SP3: variants seen among roughly 807,000 people sequenced by gnomAD.
The protein encoded by SP3 is transcription factor Sp3.
A neutral mutation model predicts 70.3 loss-of-function variants in SP3; 10 were observed. The ratio of observed to expected loss-of-function variants is 0.14; its 90% CI spans 0.09 to 0.24. The LOEUF (loss-of-function observed/expected upper bound fraction) is 0.24. Among genes scored for constraint, SP3 ranks in the 10% least tolerant of loss-of-function variants. SP3 has a pLI of 1.00. For missense variants in SP3, 825 were observed against 914.6 expected, an observed-to-expected ratio of 0.90 and a Z score of 1.26; for synonymous variants, 402 against 333.5, an observed-to-expected ratio of 1.21 and a Z score of -2.24.
chr2:173,930,652 G>A (rs912954014), intron 4 of SP3, among the ~76,000 whole-genome samples: 2 of 152,150 alleles, frequency 1.3e-5, no homozygotes, highest in Admixed American at 1.3e-4. Flanking sequence ...GTTACTGCAC[G>A]TTAAGTTTTA....
At chr2:173,920,729 T>A (rs941081214) in intron 4 of SP3, among the ~76,000 whole-genome samples, 1 of 152,088 alleles carries the variant, frequency 6.6e-6, no homozygotes, top group Non-Finnish European at 1.5e-5. Context: ...TAGCTGGGAT[T>A]ACAGGTGCCC....
intron 4 of SP3, among the ~76,000 whole-genome samples, chr2:173,952,270 ATTC>A (rs1690732011): frequency 6.6e-6 from 1 of 152,194 alleles, no homozygotes; most frequent in Admixed American, 6.5e-5. Flanking sequence ...TTTAAAGACA[ATTC>A]TTATTTTGAT....
chr2:173,945,553 G>A (rs1360010448), intron 4 of SP3, among the ~76,000 whole-genome samples: 1 of 152,058 alleles, frequency 6.6e-6, no homozygotes, highest in Non-Finnish European at 1.5e-5. Context: ...TGCTATACTA[G>A]TGGGGGAAAA....
intron 4 of SP3, among the ~76,000 whole-genome samples, chr2:173,943,017 G>C (rs1690420541): frequency 6.6e-6 from 1 of 152,120 alleles, no homozygotes; most frequent in Admixed American, 6.6e-5. Context: ...CAAGAGACTA[G>C]AGCATCTGGG....
At chr2:173,914,032 A>G (rs191383595) in intron 5 of SP3, 2 of 152,336 alleles carry the variant, frequency 1.3e-5, no homozygotes, top group East Asian at 3.9e-4. Flanking sequence ...TACCAAGAGC[A>G]GGGTTTAGAA....
Position 173,956,258 on chromosome 2 carries a change from T to C in SP3, c.280-26A>G, listed in dbSNP as rs368614170. ...CTGGATGAAGAAAACAAAAAGGTGA[T>C]ATATTTGTGGTATATTTAAATCAAC... On this transcript the variant is annotated intron_variant, in intron 3 of 6. Transcript: ENST00000310015. 3.9e-6 allele frequency: 6 copies of C among 1,544,928 alleles called. No individual in the cohort carries two copies. In the African/African-American group the frequency reaches 5.5e-5, roughly 14 times the overall value.
At chr2:173,930,889 T>TA (rs796436712) in intron 4 of SP3, among the ~76,000 whole-genome samples, 17 of 152,308 alleles carry the variant, frequency 1.1e-4, no homozygotes, top group African/African-American at 4.1e-4. Flanking sequence ...ACAGCCACAT[T>TA]AAAAAAGTAA....
intron 4 of SP3, among the ~76,000 whole-genome samples, chr2:173,941,621 A>C (rs1393545493): frequency 6.6e-6 from 1 of 152,118 alleles, no homozygotes; most frequent in Non-Finnish European, 1.5e-5. Context: ...AGAAAGGGAT[A>C]AGCATTCCCT....
chr2:173,914,639 G>GAATA, intron 5 of SP3: 1 of 152,248 alleles, frequency 6.6e-6, no homozygotes, highest in South Asian at 2.1e-4. Context: ...CCAGGCAGAG[G>GAATA]AATAGCATAA....
chr2:173,930,826 GCTGT>G (rs1211971934), intron 4 of SP3, among the ~76,000 whole-genome samples: 5 of 152,232 alleles, frequency 3.3e-5, no homozygotes, highest in East Asian at 1.9e-4. Flanking sequence ...TAATATAGGT[GCTGT>G]CTAATAGAAA....
At chr2:173,927,122 C>T (rs908762630) in intron 4 of SP3, among the ~76,000 whole-genome samples, 3 of 152,008 alleles carry the variant, frequency 2.0e-5, no homozygotes, top group Non-Finnish European at 4.4e-5. Flanking sequence ...CAAGAACTCA[C>T]TATCACCAAG....
intron 4 of SP3, among the ~76,000 whole-genome samples, chr2:173,937,900 G>C (rs1005160274): frequency 6.6e-6 from 1 of 151,962 alleles, no homozygotes; most frequent in South Asian, 2.1e-4. Flanking sequence ...CAAAGATAAA[G>C]AACTTACAAA....
chr2:173,921,796 T>C lies in SP3; in HGVS notation c.1640-3011A>G, dbSNP rs150443021. 1.4e-4 allele frequency among the ~76,000 whole-genome samples: 22 copies of C among 152,252 alleles called. No individual in the cohort carries two copies. In the East Asian group the frequency reaches 3.5e-3, roughly 24 times the overall value. ...GGAGGTGGAGCCTGGTAGGAGGTGA[T>C]TGGATCATGGGGGCGGATTTCTCAT... On this transcript the variant is annotated intron_variant, in intron 4 of 6. Transcript: ENST00000310015.
In SP3 at chr2:173,903,248, T is replaced by C. The variant is rs1485419956; in HGVS notation, c.*6693A>G. On this transcript the variant is annotated 3_prime_UTR_variant, in exon 7 of 7. Coordinates refer to ENST00000310015, the MANE Select transcript of SP3 (RefSeq NM_003111.5). ...CAGGCATTATGGAAAGTGGTTTACA[T>C]GCATTAACTTATTTATCTCCATAAT... Among the ~76,000 whole-genome samples the C allele has an allele frequency of 6.6e-6, 1 of 152,182 alleles. No individual in the cohort carries two copies. The highest frequency in any genetic ancestry group is 6.5e-5 in the Admixed American group (1 of 15,286).
chr2:173,917,000 CT>C (rs1170221909), intron 5 of SP3, among the ~76,000 whole-genome samples: 2 of 152,016 alleles, frequency 1.3e-5, no homozygotes, highest in Admixed American at 1.3e-4. Flanking sequence ...GATGATTCTA[CT>C]TTAAAATACA....
intron 4 of SP3, among the ~76,000 whole-genome samples, chr2:173,934,840 C>A (rs1040744899): frequency 4.6e-5 from 7 of 152,154 alleles, no homozygotes; most frequent in African/African-American, 1.4e-4. Flanking sequence ...TAAATACATT[C>A]TATTCCATCT....
chr2:173,922,843 T>C (rs958784697), intron 4 of SP3, among the ~76,000 whole-genome samples: 4 of 152,152 alleles, frequency 2.6e-5, no homozygotes, highest in South Asian at 2.1e-4. Context: ...AGGAGATGAA[T>C]TGTAAACAAG....
chr2:173,944,662 G>GTTA (rs1361018477), intron 4 of SP3, among the ~76,000 whole-genome samples: 2 of 152,326 alleles, frequency 1.3e-5, no homozygotes, highest in Admixed American at 1.3e-4. Flanking sequence ...ACACTCTAAT[G>GTTA]AAGAGCACAC....
intron 4 of SP3, among the ~76,000 whole-genome samples, chr2:173,931,078 G>A (rs2105472160): frequency 6.6e-6 from 1 of 152,162 alleles, no homozygotes; most frequent in African/African-American, 2.4e-5. Flanking sequence ...TCTATTAAGT[G>A]TGCAACAGCA....
Sources: gnomAD v4.1 joint callset for allele counts (sites outside exome capture counted in the v4.1 genomes callset) on GRCh38, gnomAD v4.1.1 for gene constraint, MANE v1.5 for transcripts, NCBI Gene and HGNC (gene_info 2026-07-23, HGNC 2026-07-21) for gene names.